FYB1: variants seen among roughly 807,000 people sequenced by gnomAD.
FYB1 encodes FYN binding protein 1.
FYB1 carries 41 observed loss-of-function variants against 94.1 expected under a neutral mutation model. The ratio of observed to expected loss-of-function variants is 0.44; its 90% CI spans 0.34 to 0.57. The LOEUF (loss-of-function observed/expected upper bound fraction) is 0.57, where lower values mean the gene tolerates loss of function less well. Ranked by LOEUF, FYB1 falls within the 20% of genes least tolerant of loss-of-function variation. FYB1 has a pLI of 0.02. For missense variants in FYB1, 1,050 were observed against 976.8 expected, an observed-to-expected ratio of 1.07 and a Z score of -1.00; for synonymous variants, 367 against 353.2, an observed-to-expected ratio of 1.04 and a Z score of -0.44.
intron 2 of FYB1, among the ~76,000 whole-genome samples, chr5:39,170,681 G>A (rs988581398): frequency 3.3e-5 from 5 of 152,114 alleles, no homozygotes; most frequent in South Asian, 2.1e-4. Context: ...GGAAAAAGAG[G>A]TCCTAAAATG....
chr5:39,116,795 T>C (rs1360225844), intron 16 of FYB1, among the ~76,000 whole-genome samples: 1 of 151,902 alleles, frequency 6.6e-6, no homozygotes, highest in African/African-American at 2.4e-5. Flanking sequence ...CTTGATAAAC[T>C]GTAGAATGTC....
At chr5:39,274,455 T>C (rs1752738564) in exon 1 of FYB1, 1 of 152,150 alleles carries the variant, frequency 6.6e-6, no homozygotes, top group African/African-American at 2.4e-5. Context: ...TGTTTTTTTC[T>C]GGAAGCCTGC....
Position 39,202,956 on chromosome 5 carries a change from G to T in FYB1, c.5C>A (p.Ala2Glu), listed in dbSNP as rs762263490. 1.9e-6 allele frequency: 3 copies of T among 1,613,612 alleles called. No homozygotes were observed. The highest frequency in any genetic ancestry group is 1.7e-5 in the Admixed American group (1 of 59,998). ...CGGGTTGCCCCCCGTGTTATATTTC[G>T]CCATGAGGGACTTTACATCTGCCTT... Reference protein sequence around the residue: MAKYNTGGNPTE... With the variant: MEKYNTGGNPTE... The change falls in exon 2 of 19, where the codon GCG becomes GAG. Residue 2 changes from alanine (A) to glutamate (E), a missense_variant. Physicochemically the swap from Ala to Glu is moderately radical, Grantham distance 107. Transcript: ENST00000512982.
At chr5:39,178,877 T>A (rs572778663) in intron 2 of FYB1, among the ~76,000 whole-genome samples, 1 of 152,302 alleles carries the variant, frequency 6.6e-6, no homozygotes, top group Non-Finnish European at 1.5e-5. Flanking sequence ...TAGGAAATCC[T>A]TTATGTTAGG....
chr5:39,201,767 T>G, intron 2 of FYB1, 59 bp downstream of exon 2: 1 of 1,461,200 alleles, frequency 6.8e-7, no homozygotes, highest in Non-Finnish European at 9.3e-7. Flanking sequence ...CCCCAGAAGC[T>G]AAAACATTCT....
chr5:39,176,137 G>GTTTTTTTTTTTTTTTT (rs70982547), intron 2 of FYB1, among the ~76,000 whole-genome samples: 1 of 61,642 alleles, frequency 1.6e-5, no homozygotes. Context: ...TTTTTTTTCT[G>GTTTTTTTTTTTTTTTT]TTTTTTTTTT....
chr5:39,193,386 TACTA>T (rs1382862029), intron 2 of FYB1, among the ~76,000 whole-genome samples: 3 of 152,034 alleles, frequency 2.0e-5, no homozygotes, highest in Non-Finnish European at 4.4e-5. Context: ...AAGTTAAAAA[TACTA>T]AAAAAGAAAA....
In FYB1 at chr5:39,245,186, AAAAG is replaced by A. The variant is rs201972965; in HGVS notation, c.-28+29213_-28+29216del. On this transcript the variant is annotated intron_variant, in intron 1 of 1. Coordinates refer to the FYB1 transcript ENST00000510188. ...GTGTAGGAGGGAGTGGTATAAGAGA[AAAAG>A]AAAGAGAGAGAGATACTTTTCTTAT... 3.6e-4 allele frequency among the ~76,000 whole-genome samples: 55 copies of A among 152,270 alleles called. No homozygotes were observed. In the East Asian group the frequency reaches 9.6e-3, roughly 27 times the overall value.
chr5:39,164,491 C>A (rs1296772172), intron 2 of FYB1, among the ~76,000 whole-genome samples: 1 of 152,138 alleles, frequency 6.6e-6, no homozygotes. Flanking sequence ...GTGATGTGAT[C>A]TCAGCTGACT....
chr5:39,254,182 A>G (rs990101134), intron 1 of FYB1, among the ~76,000 whole-genome samples: 6 of 152,186 alleles, frequency 3.9e-5, no homozygotes, highest in Non-Finnish European at 8.8e-5. Flanking sequence ...TTATAATAGA[A>G]CAATTTATAT....
intron 2 of FYB1, among the ~76,000 whole-genome samples, chr5:39,164,646 C>G (rs767543516): frequency 6.6e-6 from 1 of 152,156 alleles, no homozygotes; most frequent in African/African-American, 2.4e-5. Flanking sequence ...AACTCCTGAC[C>G]TCACGTGAAC....
chr5:39,211,393 C>T (rs893864346), intron 1 of FYB1, among the ~76,000 whole-genome samples: 18 of 151,270 alleles, frequency 1.2e-4, no homozygotes, highest in Admixed American at 4.0e-4. Flanking sequence ...CGATCTCGGC[C>T]CACTGCAAGC....
intron 1 of FYB1, among the ~76,000 whole-genome samples, chr5:39,231,501 C>T (rs1311002503): frequency 4.6e-5 from 7 of 152,026 alleles, no homozygotes; most frequent in Non-Finnish European, 8.8e-5. Flanking sequence ...CTGGAAAATT[C>T]ATAATACAAT....
At chr5:39,198,745 G>A (rs936704091) in intron 2 of FYB1, among the ~76,000 whole-genome samples, 2 of 152,058 alleles carry the variant, frequency 1.3e-5, no homozygotes, top group Non-Finnish European at 2.9e-5. Flanking sequence ...ATGACATTTG[G>A]TAGTTAGGTA....
chr5:39,226,639 C>G (rs1336356162), intron 1 of FYB1, among the ~76,000 whole-genome samples: 1 of 152,180 alleles, frequency 6.6e-6, no homozygotes, highest in Non-Finnish European at 1.5e-5. Flanking sequence ...CATTCTACAT[C>G]TTCATTCTAC....
Position 39,110,342 on chromosome 5 carries a change from G to A in FYB1, c.2435+14C>T. The A allele has an allele frequency of 1.3e-6, 2 of 1,574,684 alleles. No individual in the cohort carries two copies. The highest frequency in any genetic ancestry group is 1.2e-5 in the South Asian group (1 of 85,566). On this transcript the variant is annotated intron_variant, in intron 17 of 18. Transcript: ENST00000512982. ...TCTTTTCACAAGCATAGTAGTAGAA[G>A]AAAATGGGCTTACTTGTCCGCTAGG...
In FYB1 at chr5:39,105,445, G is replaced by A. The variant is rs1213654195; in HGVS notation, c.*1998C>T. 6.6e-6 allele frequency: 1 copy of A among 152,040 alleles called. No individual in the cohort carries two copies. Among genetic ancestry groups the A allele is most frequent in the African/African-American group, 2.4e-5 (1 of 41,392 alleles). The allele number at this position is 152,040 out of a possible 1,614,324, so 9.4% of individuals were successfully genotyped here. On this transcript the variant is annotated 3_prime_UTR_variant, in exon 19 of 19. Coordinates refer to ENST00000512982, the MANE Select transcript of FYB1 (RefSeq NM_001465.6). ...TTCTTGATGTGTAAACCAAAACTCT[G>A]AAATATTCTCTTGATCTAACTTTGA...
intron 1 of FYB1, among the ~76,000 whole-genome samples, chr5:39,259,463 C>T (rs971255464): frequency 5.3e-5 from 8 of 152,136 alleles, no homozygotes; most frequent in African/African-American, 1.9e-4. Context: ...AGAAGTGGTA[C>T]AGGTAAGTAC....
intron 2 of FYB1, among the ~76,000 whole-genome samples, chr5:39,194,238 T>G (rs888884653): frequency 6.6e-6 from 1 of 152,104 alleles, no homozygotes; most frequent in Admixed American, 6.5e-5. Flanking sequence ...AATGAAACAT[T>G]AGCTGGGTGC....
Sources: gnomAD v4.1 joint callset for allele counts (sites outside exome capture counted in the v4.1 genomes callset) on GRCh38, gnomAD v4.1.1 for gene constraint, MANE v1.5 for transcripts, NCBI Gene and HGNC (gene_info 2026-07-23, HGNC 2026-07-21) for gene names.